EEIG1: variants seen among roughly 807,000 people sequenced by gnomAD.
EEIG1 encodes estrogen-induced osteoclastogenesis regulator 1, also known as early estrogen-induced gene 1 protein.
the EEIG1 span, chr9:127,944,994 G>A: frequency 9.2e-6 from 13 of 1,419,304 alleles, no homozygotes; most frequent in East Asian, 2.3e-5. Flanking sequence ...CCGCAGCGGC[G>A]CTCAGAATGT....
the EEIG1 span, chr9:127,948,123 G>A: frequency 6.2e-7 from 1 of 1,613,646 alleles, no homozygotes; most frequent in Non-Finnish European, 8.5e-7. Flanking sequence ...CAGTCAGGGA[G>A]TTGGTGCTGC....
chr9:127,967,734 A>G, the EEIG1 span, among the ~76,000 whole-genome samples: 4 of 152,150 alleles, frequency 2.6e-5, no homozygotes, highest in African/African-American at 9.7e-5. Context: ...TCTGGTACCC[A>G]CCGGACACTT....
chr9:127,973,395 T>C, the EEIG1 span, among the ~76,000 whole-genome samples: 8 of 152,302 alleles, frequency 5.3e-5, no homozygotes, highest in East Asian at 1.5e-3. This position sits in a 1 kb window ranked among gnomAD's most constrained non-coding sequence, Gnocchi z 4.2. Context: ...ATAATGTGGT[T>C]GCTGCTAAGA....
At chr9:127,980,213 A>T in the EEIG1 span, 2 of 1,451,888 alleles carry the variant, frequency 1.4e-6, no homozygotes, top group Non-Finnish European at 1.9e-6. Flanking sequence ...CCTACACCAC[A>T]CCCCCTCCTC....
At chr9:127,955,328 A>G in the EEIG1 span, among the ~76,000 whole-genome samples, 17 of 152,292 alleles carry the variant, frequency 1.1e-4, no homozygotes, top group East Asian at 3.3e-3. Context: ...TGAAGCTCCA[A>G]AAGAAGGCCA....
At chr9:127,966,858 G>A in the EEIG1 span, among the ~76,000 whole-genome samples, 1 of 152,204 alleles carries the variant, frequency 6.6e-6, no homozygotes, top group Non-Finnish European at 1.5e-5. Context: ...GTCGCTGCAG[G>A]TCACATGGGA....
the EEIG1 span, chr9:127,941,702 C>G: frequency 6.6e-6 from 1 of 152,262 alleles, no homozygotes; most frequent in East Asian, 1.9e-4. Context: ...GGGAGGGCAC[C>G]TGCACCCCTC....
chr9:127,945,836 C>T, the EEIG1 span: 1 of 910,086 alleles, frequency 1.1e-6, no homozygotes, highest in Non-Finnish European at 1.7e-6. The surrounding 1 kb of genome is among the most constrained non-coding windows in gnomAD (Gnocchi z 6.5). Flanking sequence ...CGTGCCCTCA[C>T]AGAGCCTCCC....
chr9:127,960,723 T>C, the EEIG1 span, among the ~76,000 whole-genome samples: 6 of 152,130 alleles, frequency 3.9e-5, no homozygotes, highest in African/African-American at 9.7e-5. Flanking sequence ...TTTTGAGAGT[T>C]TGCTGTGGGA....
the EEIG1 span, among the ~76,000 whole-genome samples, chr9:127,955,797 C>T: frequency 1.3e-5 from 2 of 152,242 alleles, no homozygotes; most frequent in Non-Finnish European, 2.9e-5. Context: ...CTCCACAAGG[C>T]TTTGAGGATG....
chr9:127,979,881 A>T, the EEIG1 span: 1 of 1,318,772 alleles, frequency 7.6e-7, no homozygotes, highest in Non-Finnish European at 1.0e-6. Flanking sequence ...GGCACACAGA[A>T]TCCCCCGGAT....
At chr9:127,979,578 G>A in the EEIG1 span, among the ~76,000 whole-genome samples, 1 of 152,220 alleles carries the variant, frequency 6.6e-6, no homozygotes, top group Non-Finnish European at 1.5e-5. Flanking sequence ...GGCCTTCCCA[G>A]GCGCCTGGGG....
the EEIG1 span, chr9:127,953,977 G>C: frequency 1.2e-6 from 2 of 1,606,312 alleles, no homozygotes; most frequent in Non-Finnish European, 1.7e-6. Flanking sequence ...CGCGCCAGGG[G>C]ACTCCATGTG....
At chr9:127,975,653 A>G in the EEIG1 span, among the ~76,000 whole-genome samples, 2 of 152,088 alleles carry the variant, frequency 1.3e-5, no homozygotes, top group Admixed American at 1.3e-4. Flanking sequence ...TGGCTGAGAA[A>G]ATGCTCTCTG....
the EEIG1 span, among the ~76,000 whole-genome samples, chr9:127,951,121 G>GT: frequency 1.3e-5 from 2 of 152,186 alleles, no homozygotes; most frequent in Non-Finnish European, 2.9e-5. Flanking sequence ...GGAAGTGGGA[G>GT]TAAGTGCGAA....
the EEIG1 span, chr9:127,942,837 G>C: frequency 5.9e-3 from 1,986 of 336,808 alleles, 31 homozygotes; most frequent in African/African-American, 0.037. Flanking sequence ...CTACATTTAG[G>C]AGCCGCTGCA....
the EEIG1 span, chr9:127,943,110 G>T: frequency 1.5e-6 from 2 of 1,346,536 alleles, no homozygotes; most frequent in South Asian, 1.2e-5. Context: ...GAGGTGATCT[G>T]AAGGGGAAAG....
At chr9:127,961,882 C>T in the EEIG1 span, among the ~76,000 whole-genome samples, 1 of 152,098 alleles carries the variant, frequency 6.6e-6, no homozygotes, top group Non-Finnish European at 1.5e-5. Context: ...GTAGCTGGGG[C>T]GGAGGATGCC....
At chr9:127,963,996 G>A in the EEIG1 span, among the ~76,000 whole-genome samples, 1 of 152,292 alleles carries the variant, frequency 6.6e-6, no homozygotes, top group African/African-American at 2.4e-5. Flanking sequence ...GCAGTCAGCT[G>A]GGTGAAGACC....
Sources: gnomAD v4.1 joint callset for allele counts (sites outside exome capture counted in the v4.1 genomes callset) on GRCh38, gnomAD v4.1.1 for gene constraint, Gnocchi (gnomAD v3.1) non-coding constraint, MANE v1.5 for transcripts, NCBI Gene and HGNC (gene_info 2026-07-23, HGNC 2026-07-21) for gene names.